Variants in PHACTR1 observed in about 807,000 individuals in gnomAD.
The protein encoded by PHACTR1 is RPEL repeat containing 1.
PHACTR1 carries 16 observed loss-of-function variants against 69.2 expected under a neutral mutation model. The observed-to-expected ratio is 0.23, with a 90% CI of 0.16 to 0.35. The LOEUF (loss-of-function observed/expected upper bound fraction) is 0.35, where lower values mean the gene tolerates loss of function less well. Among genes scored for constraint, PHACTR1 ranks in the 10% least tolerant of loss-of-function variants. PHACTR1 has a pLI of 1.00. For synonymous variants in PHACTR1, 312 were observed against 284.5 expected, an observed-to-expected ratio of 1.10 and a Z score of -0.97; for missense variants, 510 against 734.7, an observed-to-expected ratio of 0.69 and a Z score of 3.54.
rs558861398 is a variant in PHACTR1 at position 13,283,141 on chromosome 6, A to G, written c.1510-281A>G. Among the ~76,000 whole-genome samples the G allele has an allele frequency of 2.8e-5, 4 of 144,402 alleles. No homozygotes were observed. The highest frequency in any genetic ancestry group is 1.1e-4 in the African/African-American group (4 of 35,068). 94.7% of individuals were successfully genotyped at this position (144,402 alleles called of 152,430 possible). A position where few individuals can be genotyped will look rare whatever the true frequency, so the allele number is the denominator to read the frequency against. The stretch of plus-strand genomic sequence containing the variant: ...CTTGTTTTGAAAATTTACATAATAA[A>G]AGATTTTTTTTAAGTTTAAAAAAAA... On this transcript the variant is annotated intron_variant, in intron 12 of 14. Transcript: ENST00000332995. This position sits in a 1 kb window ranked among gnomAD's most constrained non-coding sequence, Gnocchi z 4.7.
chr6:13,000,552 G>A lies in PHACTR1; in HGVS notation c.251-52813G>A, dbSNP rs562839726. On this transcript the variant is annotated intron_variant, in intron 4 of 14. Transcript: ENST00000332995. ...GACAGAGTCTCCAAAAAAAGAGTAG[G>A]GGAGAGAGAGACAAAGAGAGAGTGG... 1.9e-3 allele frequency among the ~76,000 whole-genome samples: 283 copies of A among 149,280 alleles called. 2 individuals carry two copies. Among genetic ancestry groups the A allele is most frequent in the Non-Finnish European group, 3.4e-3 (230 of 67,402 alleles).
chr6:12,896,326 C>T (rs1784666735), intron 4 of PHACTR1, among the ~76,000 whole-genome samples: 1 of 152,208 alleles, frequency 6.6e-6, no homozygotes, highest in African/African-American at 2.4e-5. Context: ...CATACACGTG[C>T]TGTAATTGAT....
chr6:12,885,413 C>T (rs1246692909), intron 4 of PHACTR1, among the ~76,000 whole-genome samples: 1 of 152,162 alleles, frequency 6.6e-6, no homozygotes, highest in Non-Finnish European at 1.5e-5. Flanking sequence ...GAAATGCCTG[C>T]CTGCCTTTGA....
chr6:13,027,156 C>T (rs1185590997), intron 4 of PHACTR1, among the ~76,000 whole-genome samples: 1 of 152,034 alleles, frequency 6.6e-6, no homozygotes, highest in East Asian at 1.9e-4. Flanking sequence ...AAGAGGGTAC[C>T]GGGTACCGAG....
At chr6:12,722,066 G>C (rs907084845) in intron 3 of PHACTR1, among the ~76,000 whole-genome samples, 1 of 152,216 alleles carries the variant, frequency 6.6e-6, no homozygotes, top group Non-Finnish European at 1.5e-5. Context: ...CCAGTGCAGA[G>C]GATATTAGTA....
intron 5 of PHACTR1, among the ~76,000 whole-genome samples, chr6:13,154,478 G>A (rs762701665): frequency 6.6e-6 from 1 of 152,084 alleles, no homozygotes; most frequent in South Asian, 2.1e-4. Flanking sequence ...TTTAATAACT[G>A]TATAATATCA....
intron 4 of PHACTR1, among the ~76,000 whole-genome samples, chr6:12,847,197 G>A (rs969777075): frequency 6.6e-6 from 1 of 152,060 alleles, no homozygotes; most frequent in Non-Finnish European, 1.5e-5. Context: ...CATAGTTGTA[G>A]GTAATTCGAC....
At chr6:12,853,459 A>T (rs1484627420) in intron 4 of PHACTR1, among the ~76,000 whole-genome samples, 2 of 152,230 alleles carry the variant, frequency 1.3e-5, no homozygotes, top group African/African-American at 4.8e-5. Context: ...AGATTCAAAT[A>T]ATGTGCTGAG....
At chr6:12,948,214 A>G (rs1228462778) in intron 4 of PHACTR1, among the ~76,000 whole-genome samples, 3 of 152,224 alleles carry the variant, frequency 2.0e-5, no homozygotes, top group Admixed American at 6.5e-5. Flanking sequence ...GTGTCAAGTC[A>G]TGGCTGGGTG....
chr6:12,827,381 A>G (rs1231099962), intron 4 of PHACTR1, among the ~76,000 whole-genome samples: 2 of 152,202 alleles, frequency 1.3e-5, no homozygotes, highest in East Asian at 3.8e-4. Flanking sequence ...TTTATGTACC[A>G]TTTCAAAGAT....
At chr6:13,167,685 C>T (rs563941092) in intron 6 of PHACTR1, among the ~76,000 whole-genome samples, 3 of 152,256 alleles carry the variant, frequency 2.0e-5, no homozygotes, top group Non-Finnish European at 4.4e-5. Flanking sequence ...CCATTGTGTG[C>T]TGGAAATTAG....
intron 4 of PHACTR1, among the ~76,000 whole-genome samples, chr6:12,941,033 T>C (rs938022651): frequency 6.6e-6 from 1 of 152,164 alleles, no homozygotes; most frequent in Non-Finnish European, 1.5e-5. Context: ...AAGCATATGA[T>C]TTTCACTTGG....
At chr6:12,912,409 C>T (rs1425201870) in intron 4 of PHACTR1, among the ~76,000 whole-genome samples, 17 of 152,178 alleles carry the variant, frequency 1.1e-4, no homozygotes. Context: ...ATCTGTGGTG[C>T]CCACATCATG....
intron 4 of PHACTR1, among the ~76,000 whole-genome samples, chr6:12,831,389 A>C (rs570130436): frequency 6.6e-6 from 1 of 152,262 alleles, no homozygotes; most frequent in African/African-American, 2.4e-5. Context: ...CCTCAGGTAC[A>C]TATTGATTAC....
intron 4 of PHACTR1, among the ~76,000 whole-genome samples, chr6:12,972,771 C>A (rs1265068599): frequency 1.3e-5 from 2 of 151,926 alleles, no homozygotes; most frequent in Non-Finnish European, 2.9e-5. Flanking sequence ...CCTGTCTCAG[C>A]CTCCCAAGTT....
chr6:13,241,443 C>A (rs1042907411), intron 10 of PHACTR1, among the ~76,000 whole-genome samples: 1 of 152,160 alleles, frequency 6.6e-6, no homozygotes, highest in Non-Finnish European at 1.5e-5. Flanking sequence ...CAGGAATCTG[C>A]ATTTTAACCA....
At chr6:13,157,002 T>C (rs1056988021) in intron 5 of PHACTR1, among the ~76,000 whole-genome samples, 10 of 152,348 alleles carry the variant, frequency 6.6e-5, no homozygotes, top group African/African-American at 1.9e-4. Flanking sequence ...TTAAAGTGAA[T>C]GTTCATCTTT....
chr6:13,057,068 A>G (rs1455750294), intron 5 of PHACTR1, among the ~76,000 whole-genome samples: 1 of 152,196 alleles, frequency 6.6e-6, no homozygotes, highest in Non-Finnish European at 1.5e-5. Context: ...GAAGGAATAA[A>G]GTATAATATT....
At chr6:12,752,200 T>G (rs938312931) in intron 4 of PHACTR1, among the ~76,000 whole-genome samples, 3 of 152,212 alleles carry the variant, frequency 2.0e-5, no homozygotes, top group Non-Finnish European at 4.4e-5. Flanking sequence ...CTCACAGATG[T>G]GCCTTTCTCC....
Sources: allele counts gnomAD v4.1 joint callset (sites outside exome capture counted in the v4.1 genomes callset), GRCh38; gene constraint gnomAD v4.1.1; non-coding constraint Gnocchi (gnomAD v3.1); transcripts MANE v1.5; gene names NCBI Gene and HGNC (gene_info 2026-07-23, HGNC 2026-07-21).